Variants in WDTC1 observed in about 807,000 individuals in gnomAD.
WDTC1 encodes WD and tetratricopeptide repeats 1.
WDTC1 carries 12 observed loss-of-function variants against 76.0 expected under a neutral mutation model. That is an observed-to-expected ratio of 0.16 (90% CI 0.10 to 0.26). The LOEUF (loss-of-function observed/expected upper bound fraction) is 0.26, where lower values mean the gene tolerates loss of function less well. WDTC1 is among the 10% of genes least tolerant of loss of function. WDTC1 has a pLI of 1.00. For missense variants in WDTC1, 511 were observed against 908.8 expected (o/e 0.56, Z 5.63); for synonymous variants, 326 against 350.8 (o/e 0.93, Z 0.79).
chr1:27,292,662 A>G (rs2013567080), intron 7 of WDTC1, among the ~76,000 whole-genome samples: 1 of 151,846 alleles, frequency 6.6e-6, no homozygotes, highest in Non-Finnish European at 1.5e-5. Context: ...CTCGAGCTAA[A>G]GCAATCTTTC....
At chr1:27,285,639 A>G (rs1243251584) in intron 5 of WDTC1, among the ~76,000 whole-genome samples, 1 of 149,560 alleles carries the variant, frequency 6.7e-6, no homozygotes, top group African/African-American at 2.5e-5. Context: ...TTTTTTTGAG[A>G]CAGAGTCTCG....
chr1:27,266,267 G>A (rs2012659541), intron 3 of WDTC1, among the ~76,000 whole-genome samples: 1 of 152,142 alleles, frequency 6.6e-6, no homozygotes, highest in Admixed American at 6.5e-5. Context: ...AGGAGAACAT[G>A]GTATCACGGT....
At chr1:27,242,888 T>C (rs1468754315) in intron 1 of WDTC1, among the ~76,000 whole-genome samples, 2 of 152,320 alleles carry the variant, frequency 1.3e-5, no homozygotes, top group Middle Eastern at 3.4e-3. Flanking sequence ...GAAGCAGCTC[T>C]CTTCTGCAGA....
At position 27,305,251 on chromosome 1, in the gene WDTC1, G is replaced by A. The variant is rs1481525702; in HGVS notation, c.1836+58G>A. On this transcript the variant is annotated intron_variant, in intron 15 of 15. Transcript: ENST00000319394. The surrounding 1 kb of genome is among the most constrained non-coding windows in gnomAD (Gnocchi z 4.6). ...AGGGACTCTGTGGAAGGCTCCAGTGGAGCCTGCTAGCGCAGGGAAGAGAAA... is the reference window on the plus strand; with the variant it reads ...AGGGACTCTGTGGAAGGCTCCAGTGAAGCCTGCTAGCGCAGGGAAGAGAAA... 1 of 1,566,392 alleles carries A rather than the reference G, an allele frequency of 6.4e-7. No homozygotes were observed. The highest frequency in any genetic ancestry group is 8.6e-7 in the Non-Finnish European group (1 of 1,157,644).
chr1:27,235,365 T>G (rs1309258190), intron 1 of WDTC1, among the ~76,000 whole-genome samples: 2 of 150,778 alleles, frequency 1.3e-5, no homozygotes, highest in Admixed American at 6.7e-5. Context: ...CTTCTCGCTC[T>G]CTCTCTTTCT....
rs1320458879 is a variant in WDTC1 at position 27,241,923 on chromosome 1, G to A, written c.-100+6972G>A. ...TTGTTTTTTTTTTTTTGAGAGTCTC[G>A]CTGTGTCACCCAAGATGGAGTGCAG... On this transcript the variant is annotated intron_variant, in intron 1 of 15. Transcript: ENST00000319394. Among the ~76,000 whole-genome samples, 5 of 147,558 alleles carry A rather than the reference G, an allele frequency of 3.4e-5. No individual in the cohort carries two copies. In the Admixed American group the frequency reaches 3.4e-4, roughly 10 times the overall value.
intron 6 of WDTC1, 78 bp from the exon 7 acceptor site, chr1:27,292,137 A>G (rs879442491): frequency 3.6e-6 from 5 of 1,381,026 alleles, no homozygotes; most frequent in Non-Finnish European, 3.8e-6. Flanking sequence ...CCTCTTGCAT[A>G]ACAAGAACTT....
At chr1:27,304,049 A>G (rs2013895541) in intron 14 of WDTC1, 2 of 432,082 alleles carry the variant, frequency 4.6e-6, no homozygotes, top group South Asian at 2.8e-5. Context: ...CAGTGCCTGA[A>G]CTACTCCTTC....
In WDTC1 at chr1:27,275,770, A is replaced by G. The variant is rs1157956037; in HGVS notation, c.133-6469A>G. 2.6e-5 allele frequency among the ~76,000 whole-genome samples: 4 copies of G among 152,108 alleles called. No individual in the cohort carries two copies. In the East Asian group the frequency reaches 7.7e-4, roughly 29 times the overall value. On this transcript the variant is annotated intron_variant, in intron 3 of 15. Coordinates refer to ENST00000319394, the MANE Select transcript of WDTC1 (RefSeq NM_001276252.2). ...CGCCTGTTTGCTTGTTTGTTATTTTATTTAATTGAGTGGTTTTGACTATTC... is the reference window on the plus strand; with the variant it reads ...CGCCTGTTTGCTTGTTTGTTATTTTGTTTAATTGAGTGGTTTTGACTATTC...
rs557183833 is a variant in WDTC1, at chr1:27,267,336, C to G, written c.132+4101C>G. Among the ~76,000 whole-genome samples the G allele has an allele frequency of 5.9e-5, 9 of 151,934 alleles. 1 individual carries two copies. The South Asian group carries it at 1.9e-3, about 31-fold the overall frequency. On this transcript the variant is annotated intron_variant, in intron 3 of 15. Transcript: ENST00000319394. ...ATCTCGTCTCAGTGCAACCTCGCCT[C>G]CTGGGCTGAAGCAGTTCTTGTGCCT...
chr1:27,265,651 A>C (rs1469415457), intron 3 of WDTC1, among the ~76,000 whole-genome samples: 1 of 149,360 alleles, frequency 6.7e-6, no homozygotes, highest in Admixed American at 6.7e-5. Flanking sequence ...ACCCTGTTTA[A>C]AAAAAAAAAA....
chr1:27,247,780 G>A lies in WDTC1; in HGVS notation c.-100+12829G>A, dbSNP rs150513213. On this transcript the variant is annotated intron_variant, in intron 1 of 15. Coordinates refer to ENST00000319394, the MANE Select transcript of WDTC1 (RefSeq NM_001276252.2). ...GTTGCCCAGCCTGGAGTGCAATGGCGTAGTCTCAGCTCACTACAACCTCTG... is the reference window on the plus strand; with the variant it reads ...GTTGCCCAGCCTGGAGTGCAATGGCATAGTCTCAGCTCACTACAACCTCTG... 4.6e-3 allele frequency among the ~76,000 whole-genome samples: 673 copies of A among 147,582 alleles called. 6 individuals are homozygous for A. Among genetic ancestry groups the A allele is most frequent in the African/African-American group, 0.016 (630 of 39,972 alleles).
chr1:27,237,942 T>G (rs2011528026), intron 1 of WDTC1, among the ~76,000 whole-genome samples: 1 of 152,132 alleles, frequency 6.6e-6, no homozygotes. Flanking sequence ...GAGAGGTATT[T>G]GCCAGTTGGG....
intron 4 of WDTC1, among the ~76,000 whole-genome samples, chr1:27,283,093 G>A (rs1187526221): frequency 2.0e-5 from 3 of 150,992 alleles, no homozygotes; most frequent in South Asian, 4.2e-4. Context: ...AGCCGAGATC[G>A]CGCCACTGCA....
At chr1:27,276,626 G>A (rs2013035142) in intron 3 of WDTC1, among the ~76,000 whole-genome samples, 1 of 151,610 alleles carries the variant, frequency 6.6e-6, no homozygotes, top group South Asian at 2.1e-4. Context: ...CCAGGAGGAG[G>A]AGATTGCAGT....
intron 1 of WDTC1, among the ~76,000 whole-genome samples, chr1:27,259,397 G>T (rs1192039569): frequency 6.7e-6 from 1 of 149,266 alleles, no homozygotes; most frequent in Non-Finnish European, 1.5e-5. Context: ...CTAACACCTG[G>T]TTTCAAGTAG....
chr1:27,257,097 C>T (rs867619127), intron 1 of WDTC1, among the ~76,000 whole-genome samples: 1 of 152,056 alleles, frequency 6.6e-6, no homozygotes, highest in South Asian at 2.1e-4. Context: ...CTCCTGACCT[C>T]GTGATCCGCC....
intron 3 of WDTC1, among the ~76,000 whole-genome samples, chr1:27,277,201 CT>C (rs1371759536): frequency 6.6e-6 from 1 of 151,866 alleles, no homozygotes; most frequent in African/African-American, 2.4e-5. Context: ...CCCAACTAAA[CT>C]TTTTTTCTTT....
chr1:27,286,439 G>A (rs1325765028), intron 5 of WDTC1, among the ~76,000 whole-genome samples: 7 of 150,362 alleles, frequency 4.7e-5, no homozygotes, highest in South Asian at 2.1e-4. Context: ...TTTCTGACCA[G>A]GTCCCTTTTT....
Sources: gnomAD v4.1 joint callset for allele counts (sites outside exome capture counted in the v4.1 genomes callset) on GRCh38, gnomAD v4.1.1 for gene constraint, Gnocchi (gnomAD v3.1) non-coding constraint, MANE v1.5 for transcripts, NCBI Gene and HGNC (gene_info 2026-07-23, HGNC 2026-07-21) for gene names.